TANGO2: variants seen among roughly 807,000 people sequenced by gnomAD.
TANGO2 encodes the protein transport and golgi organization 2 homolog.
In TANGO2, 26 loss-of-function variants were observed where a neutral mutation model predicts 39.1. The ratio of observed to expected loss-of-function variants is 0.67; its 90% CI spans 0.49 to 0.92. TANGO2 has a LOEUF of 0.92. TANGO2 is among the 40% of genes least tolerant of loss of function. TANGO2 has a pLI of 0.00. For missense variants in TANGO2, 326 were observed against 360.1 expected (o/e 0.91, Z 0.77); for synonymous variants, 131 against 144.5 (o/e 0.91, Z 0.67).
intron 3 of TANGO2, among the ~76,000 whole-genome samples, chr22:20,043,649 G>A (rs2044455061): frequency 1.3e-5 from 2 of 152,212 alleles, no homozygotes; most frequent in African/African-American, 4.8e-5. Flanking sequence ...GTGGCTTCCT[G>A]TGCCATGCGT....
intron 1 of TANGO2, chr22:20,033,288 G>T: frequency 2.0e-6 from 1 of 505,702 alleles, no homozygotes; most frequent in East Asian, 6.2e-5. Flanking sequence ...CAGGCTGTCC[G>T]GAGATCTGTT....
chr22:20,032,686 C>T (rs892985281), intron 1 of TANGO2, among the ~76,000 whole-genome samples: 19 of 152,342 alleles, frequency 1.2e-4, no homozygotes, highest in African/African-American at 4.6e-4. Flanking sequence ...AGGCACGATT[C>T]TCCCTGGGAC....
chr22:20,042,714 G>A (rs767703383), intron 2 of TANGO2, among the ~76,000 whole-genome samples: 4 of 152,084 alleles, frequency 2.6e-5, no homozygotes, highest in Non-Finnish European at 5.9e-5. Flanking sequence ...GCAGTGAGCC[G>A]ATGTCACGCC....
intron 2 of TANGO2, among the ~76,000 whole-genome samples, chr22:20,040,008 T>C (rs1405457622): frequency 1.3e-5 from 2 of 152,162 alleles, no homozygotes; most frequent in African/African-American, 4.8e-5. Flanking sequence ...GACCTCACCG[T>C]GGTGGGTGCA....
chr22:20,056,191 T>G, intron 6 of TANGO2, 178 bp downstream of exon 6: 1 of 704,476 alleles, frequency 1.4e-6, no homozygotes, highest in Non-Finnish European at 2.6e-6. Flanking sequence ...CAGAGAGCCC[T>G]GGCTCCCTGC....
At chr22:20,053,598 G>C in intron 5 of TANGO2, 47 bp downstream of exon 5, 1 of 1,291,506 alleles carries the variant, frequency 7.7e-7, no homozygotes, top group Non-Finnish European at 1.1e-6. Context: ...CACTGCCTCG[G>C]GGGCAGGCCT....
rs1197684734 is a variant in TANGO2 at position 20,064,731 on chromosome 22, C to A, written c.*69C>A. The A allele has an allele frequency of 1.9e-6, 3 of 1,585,370 alleles. No individual in the cohort carries two copies. The highest frequency in any genetic ancestry group is 2.7e-5 in the African/African-American group (2 of 74,162). ...CTTGAGGGGCACTGTGGACAGGAAA[C>A]CTTCCTTTGCCATACTGCATTGCAC... is the stretch of plus-strand genomic sequence containing the variant. On this transcript the variant is annotated 3_prime_UTR_variant, in exon 9 of 9. Transcript: ENST00000327374.
At chr22:20,043,268 CTG>C in intron 2 of TANGO2, 85 bp from the exon 3 acceptor site, 1 of 995,540 alleles carries the variant, frequency 1.0e-6, no homozygotes, top group Non-Finnish European at 1.6e-6. Flanking sequence ...CTTGTTGCCA[CTG>C]AGGCCAGTTT....
intron 1 of TANGO2, among the ~76,000 whole-genome samples, chr22:20,028,851 T>G (rs1020111337): frequency 6.6e-6 from 1 of 152,194 alleles, no homozygotes; most frequent in African/African-American, 2.4e-5. Flanking sequence ...CCCCCTTGCT[T>G]CTTTTCCCCA....
chr22:20,065,184 C>T lies in TANGO2; in HGVS notation c.*522C>T, dbSNP rs1043988089. On this transcript the variant is annotated 3_prime_UTR_variant, in exon 9 of 9. Transcript: ENST00000327374. ...CTGGCCAGTAGGTCTTTGTTCTGGT[C>T]CAACGACAGGAGTAGGCTTGTATTT... 1 of 156,088 alleles carries T rather than the reference C, an allele frequency of 6.4e-6. No individual in the cohort carries two copies. The highest frequency in any genetic ancestry group is 1.4e-5 in the Non-Finnish European group (1 of 70,322). The allele number at this position is 156,088 out of a possible 1,614,324, so 9.7% of individuals were successfully genotyped here. A position where few individuals can be genotyped will look rare whatever the true frequency, so the allele number is the denominator to read the frequency against.
chr22:20,030,277 C>G (rs2041601749), intron 1 of TANGO2, among the ~76,000 whole-genome samples: 1 of 151,680 alleles, frequency 6.6e-6, no homozygotes, highest in Non-Finnish European at 1.5e-5. Flanking sequence ...AAGTGATTCT[C>G]CTGCCTCAGC....
At chr22:20,052,673 T>C (rs1247704678) in intron 4 of TANGO2, 89 bp downstream of exon 4, 27 of 1,473,586 alleles carry the variant, frequency 1.8e-5, no homozygotes, top group Non-Finnish European at 2.2e-5. Context: ...ACTACAGGAC[T>C]GGCCAATGTA....
rs912835190 is a variant in TANGO2 at position 20,048,924 on chromosome 22, C to T, written c.146-3541C>T. On this transcript the variant is annotated intron_variant, in intron 3 of 8. Coordinates refer to ENST00000327374, the MANE Select transcript of TANGO2 (RefSeq NM_152906.7). Reference sequence around the variant, plus strand: ...CCTCCCAAAGTGGTAGGATTACAGGCGTGAGCCACTGCGCCCGGCCAGAAT... The same window carrying T: ...CCTCCCAAAGTGGTAGGATTACAGGTGTGAGCCACTGCGCCCGGCCAGAAT... Among the ~76,000 whole-genome samples the T allele has an allele frequency of 5.9e-5, 9 of 152,264 alleles. No homozygotes were observed. The East Asian group carries it at 9.6e-4, about 16-fold the overall frequency.
At position 20,061,601 on chromosome 22, in the gene TANGO2, C is replaced by T. The variant is rs1471696466; in HGVS notation, c.523C>T (p.Leu175=). The T allele has an allele frequency of 6.3e-7, 1 of 1,592,838 alleles. No individual in the cohort carries two copies. Among genetic ancestry groups the T allele is most frequent in the Non-Finnish European group, 8.5e-7 (1 of 1,169,646 alleles). The stretch of plus-strand genomic sequence containing the variant: ...GCTGTGCTTTGGGAAGCAGCTCTTC[C>T]TGGAGGCTGTGGAACGGAGCCAGGC... The part of the protein sequence containing the change: ...RKLCFGKQLF[L]EAVERSQALP... The change falls in exon 7 of 9, where the codon CTG becomes TTG. Residue 175 remains leucine (L), a synonymous_variant. Transcript: ENST00000327374.
At chr22:20,048,988 T>C (rs1349448268) in intron 3 of TANGO2, among the ~76,000 whole-genome samples, 1 of 152,228 alleles carries the variant, frequency 6.6e-6, no homozygotes, top group Non-Finnish European at 1.5e-5. Flanking sequence ...TTATCTTTTA[T>C]GAGTTGTTCT....
At chr22:20,052,735 G>A in intron 4 of TANGO2, 151 bp downstream of exon 4, 1 of 1,037,074 alleles carries the variant, frequency 9.6e-7, no homozygotes, top group South Asian at 1.6e-5. Flanking sequence ...TTGTGCTTGG[G>A]AGTGGGATGG....
At chr22:20,061,447 C>T (rs372299791) in intron 6 of TANGO2, 83 bp from the exon 7 acceptor site, 20 of 1,456,130 alleles carry the variant, frequency 1.4e-5, no homozygotes, top group East Asian at 9.8e-5. Flanking sequence ...AGCTGTACCC[C>T]GTGTTAGGTG....
intron 6 of TANGO2, among the ~76,000 whole-genome samples, chr22:20,059,561 T>C (rs2047990206): frequency 6.6e-6 from 1 of 152,210 alleles, no homozygotes; most frequent in Admixed American, 6.5e-5. Flanking sequence ...TTCTGTGTTT[T>C]TGATGATAGC....
intron 3 of TANGO2, 56 bp downstream of exon 3, chr22:20,043,499 G>A: frequency 7.7e-7 from 1 of 1,298,088 alleles, no homozygotes; most frequent in Non-Finnish European, 1.1e-6. Flanking sequence ...CCTAGCCCCT[G>A]CGTGGCCCGA....
Sources: allele counts gnomAD v4.1 joint callset (sites outside exome capture counted in the v4.1 genomes callset), GRCh38; gene constraint gnomAD v4.1.1; transcripts MANE v1.5; gene names NCBI Gene and HGNC (gene_info 2026-07-23, HGNC 2026-07-21).